Variants in ACAN observed in about 807,000 individuals in gnomAD.
ACAN encodes the protein aggrecan.
In ACAN, 47 loss-of-function variants were observed where a neutral mutation model predicts 169.1. That is an observed-to-expected ratio of 0.28 (90% CI 0.22 to 0.35). ACAN has a LOEUF of 0.35. ACAN is among the 10% of genes least tolerant of loss of function. ACAN has a pLI of 1.00. For synonymous variants in ACAN, 1,115 were observed against 1,112.2 expected, an observed-to-expected ratio of 1.00 and a Z score of -0.05; for missense variants, 2,716 against 2,759.9, an observed-to-expected ratio of 0.98 and a Z score of 0.36.
rs1266387887 is a variant in ACAN, at chr15:88,872,843, C to T, written c.7303-38C>T. On this transcript the variant is annotated intron_variant, in intron 16 of 18. Transcript: ENST00000560601. The surrounding 1 kb of genome is among the most constrained non-coding windows in gnomAD (Gnocchi z 5.4). ...TCGGAGCAGGCCAACCCGCACTGTC[C>T]TGCCCTCTCCTTACTCCTTCCCCAC... 6.2e-7 allele frequency: 1 copy of T among 1,610,912 alleles called. No individual in the cohort carries two copies. The highest frequency in any genetic ancestry group is 2.2e-5 in the East Asian group (1 of 44,876).
At chr15:88,862,778 G>A (rs2141620733) in intron 13 of ACAN, among the ~76,000 whole-genome samples, 2 of 152,236 alleles carry the variant, frequency 1.3e-5, no homozygotes, top group South Asian at 4.1e-4. Flanking sequence ...CGGATGGATT[G>A]CCTGAGGTCA....
chr15:88,810,491 G>A (rs1895793643), intron 1 of ACAN, among the ~76,000 whole-genome samples: 1 of 152,044 alleles, frequency 6.6e-6, no homozygotes, highest in African/African-American at 2.4e-5. Context: ...AGCAAAGTCT[G>A]GACCCTTGGC....
intron 7 of ACAN, 66 bp downstream of exon 7, chr15:88,845,948 T>G: frequency 7.0e-7 from 1 of 1,423,852 alleles, no homozygotes; most frequent in South Asian, 1.6e-5. Context: ...GGGAAGGGAT[T>G]CCCGCAGTTG....
chr15:88,806,416 A>G (rs1175730978), intron 1 of ACAN, among the ~76,000 whole-genome samples: 4 of 151,516 alleles, frequency 2.6e-5, no homozygotes, highest in Non-Finnish European at 4.4e-5. Context: ...CAGTGGCCCA[A>G]TGTTGGCTCA....
chr15:88,830,351 A>G (rs1298159691), intron 1 of ACAN, among the ~76,000 whole-genome samples: 2 of 152,190 alleles, frequency 1.3e-5, no homozygotes, highest in African/African-American at 2.4e-5. Context: ...ATGCGTTCTG[A>G]GAAATGCATT....
rs1222143874 is a variant in ACAN at position 88,849,674 on chromosome 15, C to G, written c.1969C>G (p.Pro657Ala). ...KPGVRTVYLYPNQTGLPDPLS... is the reference protein window; with the variant it reads ...KPGVRTVYLYANQTGLPDPLS... ...AGGCGTGAGAACGGTCTACCTCTAC[C>G]CTAACCAGACGGGCCTCCCAGACCC... The change falls in exon 10 of 19, where the codon CCT becomes GCT. Residue 657 changes from proline to alanine, a missense_variant. Pro to Ala is a conservative substitution (Grantham distance 27, BLOSUM62 -1). Around this residue, in one of 3 missense-constraint regions of ACAN, gnomAD observed 1,283 missense variants for 1,281.5 expected, o/e 1.00. Coordinates refer to ENST00000560601, the MANE Select transcript of ACAN (RefSeq NM_001369268.1). The surrounding 1 kb of genome is among the most constrained non-coding windows in gnomAD (Gnocchi z 5.1). The G allele has an allele frequency of 1.2e-6, 2 of 1,613,848 alleles. No homozygotes were observed. Among genetic ancestry groups the G allele is most frequent in the African/African-American group, 2.7e-5 (2 of 75,066 alleles).
At position 88,845,499 on chromosome 15, in the gene ACAN, C is replaced by G; in HGVS notation, c.1052-6C>G. On this transcript the variant is annotated splice_region_variant and splice_polypyrimidine_tract_variant and intron_variant, in intron 6 of 18. Coordinates refer to ENST00000560601, the MANE Select transcript of ACAN (RefSeq NM_001369268.1). ...AGGCTAAAGCTTGTCTTTGCCCCTC[C>G]CCTAGGTGAAGACTTTGTGGACATC... 1 of 1,595,094 alleles carries G rather than the reference C, an allele frequency of 6.3e-7. No homozygotes were observed. The highest frequency in any genetic ancestry group is 8.6e-7 in the Non-Finnish European group (1 of 1,167,568).
rs1025854151 is a variant in ACAN, at chr15:88,866,394, C to G, written c.6947-1822C>G. ...GGATAAAAGAGAACAGGCAGGAGAGCCGCCCCCAGCTTCCGCCCTGCCGAC... is the reference window on the plus strand; with the variant it reads ...GGATAAAAGAGAACAGGCAGGAGAGGCGCCCCCAGCTTCCGCCCTGCCGAC... On this transcript the variant is annotated intron_variant, in intron 13 of 18. Transcript: ENST00000560601. This position sits in a 1 kb window ranked among gnomAD's most constrained non-coding sequence, Gnocchi z 5.6. 6.6e-6 allele frequency among the ~76,000 whole-genome samples: 1 copy of G among 152,152 alleles called. No homozygotes were observed. Among genetic ancestry groups the G allele is most frequent in the Non-Finnish European group, 1.5e-5 (1 of 68,026 alleles).
intron 1 of ACAN, among the ~76,000 whole-genome samples, chr15:88,833,463 C>G (rs1896416194): frequency 6.6e-6 from 1 of 152,072 alleles, no homozygotes; most frequent in African/African-American, 2.4e-5. Flanking sequence ...ATTCAGCTTC[C>G]CATGGAGAAA....
chr15:88,833,080 G>A (rs936906173), intron 1 of ACAN, among the ~76,000 whole-genome samples: 1 of 152,180 alleles, frequency 6.6e-6, no homozygotes, highest in African/African-American at 2.4e-5. Context: ...GGGAGAGTGG[G>A]TGAGCTGCCT....
chr15:88,860,427 C>A lies in ACAN; in HGVS notation c.6934C>A (p.His2312Asn). Residue 2312 changes from histidine to asparagine, a missense_variant, in exon 13 of 19, where the codon CAC becomes AAC. His to Asn is a moderately conservative substitution (Grantham distance 68, BLOSUM62 1). Coordinates refer to ENST00000560601, the MANE Select transcript of ACAN (RefSeq NM_001369268.1). Reference protein sequence around the residue: ...CLCPPGYTGEHCNIDIDECLS... With the variant: ...CLCPPGYTGENCNIDIDECLS... ...GTGCCCCCCTGGCTACACTGGCGAG[C>A]ACTGTAACATAGGTAAGGCCCTCAT... is the stretch of plus-strand genomic sequence containing the variant. 2 of 1,613,254 alleles carry A rather than the reference C, an allele frequency of 1.2e-6. No individual in the cohort carries two copies. The highest frequency in any genetic ancestry group is 1.7e-6 in the Non-Finnish European group (2 of 1,179,586).
At position 88,838,991 on chromosome 15, in the gene ACAN, C is replaced by T. The variant is rs529879661; in HGVS notation, c.399C>T (p.Cys133=). ...LRSNDSGVYR[C]EVMHGIEDSE... is the part of the protein sequence containing the mutation. ...CCAATGACTCTGGGGTCTACCGCTG[C>T]GAGGTGATGCATGGCATCGAGGACA... The change falls in exon 3 of 19, where the codon TGC becomes TGT. Residue 133 remains cysteine, a synonymous_variant. Coordinates refer to ENST00000560601, the MANE Select transcript of ACAN (RefSeq NM_001369268.1). This position sits in a 1 kb window ranked among gnomAD's most constrained non-coding sequence, Gnocchi z 5.1. 2.0e-5 allele frequency: 32 copies of T among 1,611,686 alleles called. No individual in the cohort carries two copies. Among genetic ancestry groups the T allele is most frequent in the South Asian group, 1.3e-4 (12 of 91,090 alleles).
In ACAN at chr15:88,844,830, A is replaced by G. The variant is rs141312912; in HGVS notation, c.1052-675A>G. ...TTCTTGGAGGAAAAAACAATGCCTC[A>G]CATGAATGAGGAGTTGCAAAACTTT... On this transcript the variant is annotated intron_variant, in intron 6 of 18. Transcript: ENST00000560601. Among the ~76,000 whole-genome samples the G allele has an allele frequency of 4.1e-3, 621 of 152,364 alleles. 4 individuals are homozygous for G. The highest frequency in any genetic ancestry group is 0.014 in the East Asian group (71 of 5,192).
Position 88,849,393 on chromosome 15 carries a change from C to G in ACAN, c.1733-45C>G. 1 of 1,506,976 alleles carries G rather than the reference C, an allele frequency of 6.6e-7. No individual in the cohort carries two copies. The highest frequency in any genetic ancestry group is 2.4e-5 in the East Asian group (1 of 42,408). 93.4% of individuals were successfully genotyped at this position (1,506,976 alleles called of 1,614,324 possible). Reference sequence around the variant, plus strand: ...CTGGGTGGGCAGGGATGGACCTGGCCTGAGTGTGGGGGGGTCATATTCTAC... The same window carrying G: ...CTGGGTGGGCAGGGATGGACCTGGCGTGAGTGTGGGGGGGTCATATTCTAC... On this transcript the variant is annotated intron_variant, in intron 9 of 18. Transcript: ENST00000560601. The surrounding 1 kb of genome is among the most constrained non-coding windows in gnomAD (Gnocchi z 5.1).
chr15:88,845,997 T>C, intron 7 of ACAN, 115 bp downstream of exon 7: 1 of 1,173,980 alleles, frequency 8.5e-7, no homozygotes. Context: ...CGTGGGACAA[T>C]GTTCTCTCCT....
chr15:88,809,897 C>T (rs563155845), intron 1 of ACAN, among the ~76,000 whole-genome samples: 1 of 152,306 alleles, frequency 6.6e-6, no homozygotes, highest in East Asian at 1.9e-4. Context: ...TCATTGAATA[C>T]CTCCACTTTC....
intron 1 of ACAN, among the ~76,000 whole-genome samples, chr15:88,835,389 G>A (rs564346863): frequency 2.0e-5 from 3 of 151,794 alleles, no homozygotes; most frequent in Admixed American, 6.6e-5. Context: ...ACACACATAC[G>A]CACACAGACA....
At chr15:88,809,227 A>G (rs1343326555) in intron 1 of ACAN, among the ~76,000 whole-genome samples, 18 of 152,192 alleles carry the variant, frequency 1.2e-4, no homozygotes, top group Admixed American at 1.2e-3. Flanking sequence ...GGGTTGCCAT[A>G]GTATTCCCTC....
chr15:88,854,909 C>T lies in ACAN; in HGVS notation c.2324C>T (p.Pro775Leu). The T allele has an allele frequency of 2.5e-6, 4 of 1,579,662 alleles. No homozygotes were observed. The highest frequency in any genetic ancestry group is 3.4e-6 in the Non-Finnish European group (4 of 1,165,944). ...GCAACAGAGGAAAGTACAGAAGGCCCTTCTGCAACTGAAGTGCCCTCTGCC... is the reference window on the plus strand; with the variant it reads ...GCAACAGAGGAAAGTACAGAAGGCCTTTCTGCAACTGAAGTGCCCTCTGCC... The part of the protein sequence containing the change: ...GAATEESTEG[P>L]SATEVPSASE... Residue 775 changes from proline to leucine, a missense_variant, in exon 12 of 19, where the codon CCT (proline) becomes CTT (leucine). By Grantham distance (98) the Pro-to-Leu change is moderately conservative (BLOSUM62 -3). Transcript: ENST00000560601.
Sources: gnomAD v4.1 joint callset for allele counts (sites outside exome capture counted in the v4.1 genomes callset) on GRCh38, gnomAD v4.1.1 for gene constraint, gnomAD v4.1.1 regional missense constraint, Gnocchi (gnomAD v3.1) non-coding constraint, MANE v1.5 for transcripts, NCBI Gene and HGNC (gene_info 2026-07-23, HGNC 2026-07-21) for gene names.